STAT4: variants seen among roughly 807,000 people sequenced by gnomAD.
STAT4 encodes signal transducer and activator of transcription 4.
STAT4 carries 42 observed loss-of-function variants against 110.5 expected under a neutral mutation model. The observed-to-expected ratio is 0.38, with a 90% CI of 0.30 to 0.49. The LOEUF is 0.49. Ranked by LOEUF, STAT4 falls within the 20% of genes least tolerant of loss-of-function variation. The pLI is 0.95. For synonymous variants in STAT4, 284 were observed against 302.2 expected, an observed-to-expected ratio of 0.94 and a Z score of 0.63; for missense variants, 632 against 887.9, an observed-to-expected ratio of 0.71 and a Z score of 3.66.
chr2:191,062,180 G>A lies in STAT4; in HGVS notation c.942-359C>T, dbSNP rs1333487289. Among the ~76,000 whole-genome samples, 2 of 151,954 alleles carry A rather than the reference G, an allele frequency of 1.3e-5. No homozygotes were observed. The highest frequency in any genetic ancestry group is 4.8e-5 in the African/African-American group (2 of 41,346). On this transcript the variant is annotated intron_variant, in intron 9 of 23. Coordinates refer to ENST00000392320, the MANE Select transcript of STAT4 (RefSeq NM_003151.4). This position sits in a 1 kb window ranked among gnomAD's most constrained non-coding sequence, Gnocchi z 4.9. The stretch of plus-strand genomic sequence containing the variant: ...AGTGATCCTCCTGCCTTGGCCTCCT[G>A]AGTATCTAGGACTATAGGGATGTGC...
In STAT4 at chr2:191,042,052, G is replaced by A. The variant is rs995044212; in HGVS notation, c.1252-904C>T. ...GCCAGGCTTAAAAGCTCCTGGAAAG[G>A]TATCTGGGAAGTTTGCCAGACCAAG... On this transcript the variant is annotated intron_variant, in intron 14 of 23. Coordinates refer to ENST00000392320, the MANE Select transcript of STAT4 (RefSeq NM_003151.4). This position sits in a 1 kb window ranked among gnomAD's most constrained non-coding sequence, Gnocchi z 4.2. Among the ~76,000 whole-genome samples, 6 of 152,140 alleles carry A rather than the reference G, an allele frequency of 3.9e-5. No homozygotes were observed. The highest frequency in any genetic ancestry group is 1.4e-4 in the African/African-American group (6 of 41,422).
chr2:191,085,744 A>C (rs1438496819), intron 3 of STAT4, among the ~76,000 whole-genome samples: 1 of 152,252 alleles, frequency 6.6e-6, no homozygotes, highest in Non-Finnish European at 1.5e-5. Flanking sequence ...GAATAGAGAG[A>C]AAACTTCCAG....
At chr2:191,071,529 A>G (rs1046464483) in intron 5 of STAT4, among the ~76,000 whole-genome samples, 1 of 152,250 alleles carries the variant, frequency 6.6e-6, no homozygotes, top group Non-Finnish European at 1.5e-5. Flanking sequence ...TGAAAAGTGT[A>G]TTAAACCAAT....
chr2:191,102,660 A>T (rs1181058137), intron 3 of STAT4, among the ~76,000 whole-genome samples: 1 of 152,124 alleles, frequency 6.6e-6, no homozygotes, highest in Non-Finnish European at 1.5e-5. Context: ...ATTGAAACCT[A>T]ATTTTTGTTG....
At position 191,073,144 on chromosome 2, in the gene STAT4, TG is replaced by T; in HGVS notation, c.418del (p.Gln140ArgfsTer17). The T allele has an allele frequency of 6.2e-7, 1 of 1,614,024 alleles. No individual in the cohort carries two copies. The highest frequency in any genetic ancestry group is 1.1e-5 in the South Asian group (1 of 91,078). On this transcript the variant is annotated frameshift_variant, in exon 5 of 24. Coordinates refer to ENST00000392320, the MANE Select transcript of STAT4 (RefSeq NM_003151.4). LOFTEE classifies it high-confidence loss of function. Reference sequence around the variant, plus strand: ...AGCCACTTTGTGCTCCACATTCCTCTGTCTTTCTGAAACTGAAGAACTTTGT... The same window carrying T: ...AGCCACTTTGTGCTCCACATTCCTCTTCTTTCTGAAACTGAAGAACTTTGT... ...SLQSSSVSER[Q>X]RNVEHKVAAI...
intron 3 of STAT4, among the ~76,000 whole-genome samples, chr2:191,120,255 G>A (rs1014184490): frequency 1.3e-5 from 2 of 152,026 alleles, no homozygotes; most frequent in Admixed American, 1.3e-4. Context: ...AGACTGAAAA[G>A]GTAAGGCACA....
rs1699560905 is a variant in STAT4 at position 191,150,292 on chromosome 2, G to C, written c.-2+655C>G. Among the ~76,000 whole-genome samples, 1 of 152,226 alleles carries C rather than the reference G, an allele frequency of 6.6e-6. No individual in the cohort carries two copies. The highest frequency in any genetic ancestry group is 1.5e-5 in the Non-Finnish European group (1 of 68,042). On this transcript the variant is annotated intron_variant, in intron 1 of 23. Transcript: ENST00000392320. This position sits in a 1 kb window ranked among gnomAD's most constrained non-coding sequence, Gnocchi z 6.4. ...ATTGCAGCCTCTGGGAACGCCTTTA[G>C]ACATCCTTCAGCAGGTTTCTTTGCT...
At chr2:191,054,581 C>G in intron 13 of STAT4, 47 bp from the exon 14 acceptor site, 2 of 1,566,794 alleles carry the variant, frequency 1.3e-6, no homozygotes, top group Non-Finnish European at 8.7e-7. Context: ...GCATTATCAG[C>G]TACATATTAA....
At position 191,037,416 on chromosome 2, in the gene STAT4, G is replaced by T. The variant is rs1205288237; in HGVS notation, c.1435-1117C>A. On this transcript the variant is annotated intron_variant, in intron 16 of 23. Coordinates refer to ENST00000392320, the MANE Select transcript of STAT4 (RefSeq NM_003151.4). This position sits in a 1 kb window ranked among gnomAD's most constrained non-coding sequence, Gnocchi z 4.8. ...AAACTCTCTTGCCTCAACCTCTCAA[G>T]TAGCTGAAACTACAGGTGTGTACCA... Among the ~76,000 whole-genome samples the T allele has an allele frequency of 6.6e-6, 1 of 152,156 alleles. No homozygotes were observed. The highest frequency in any genetic ancestry group is 1.5e-5 in the Non-Finnish European group (1 of 68,036).
chr2:191,074,014 ATTAAATTGGCCCTAAAT>A (rs1303110518), intron 4 of STAT4, among the ~76,000 whole-genome samples: 1 of 152,236 alleles, frequency 6.6e-6, no homozygotes, highest in African/African-American at 2.4e-5. Flanking sequence ...ACGAAACTAC[ATTAAATTGGCCCTAAAT>A]TTAGAATTGG....
At chr2:191,128,620 G>A (rs912350025) in intron 3 of STAT4, among the ~76,000 whole-genome samples, 12 of 152,030 alleles carry the variant, frequency 7.9e-5, no homozygotes, top group African/African-American at 1.9e-4. Flanking sequence ...ACATATTTTC[G>A]TTCAGCCATA....
At chr2:191,130,669 T>A (rs1401220662) in intron 3 of STAT4, among the ~76,000 whole-genome samples, 3 of 151,922 alleles carry the variant, frequency 2.0e-5, no homozygotes, top group Non-Finnish European at 4.4e-5. Context: ...ATGGAAGCCA[T>A]CATGTGAGCT....
chr2:191,125,640 C>T (rs748865231), intron 3 of STAT4, among the ~76,000 whole-genome samples: 9 of 151,762 alleles, frequency 5.9e-5, no homozygotes, highest in South Asian at 2.1e-4. Flanking sequence ...GGTGTACGCA[C>T]GCTACCATGC....
In STAT4 at chr2:191,059,881, G is replaced by A. The variant is rs1180661338; in HGVS notation, c.1035-1112C>T. The stretch of plus-strand genomic sequence containing the variant: ...ATAGTCACATAAAATCAGGCCAGAT[G>A]TTTTTCCTCTCCACCTTCCTTTTTA... On this transcript the variant is annotated intron_variant, in intron 10 of 23. Coordinates refer to ENST00000392320, the MANE Select transcript of STAT4 (RefSeq NM_003151.4). This position sits in a 1 kb window ranked among gnomAD's most constrained non-coding sequence, Gnocchi z 4.7. 6.6e-6 allele frequency among the ~76,000 whole-genome samples: 1 copy of A among 152,164 alleles called. No homozygotes were observed. Among genetic ancestry groups the A allele is most frequent in the Non-Finnish European group, 1.5e-5 (1 of 68,030 alleles).
At chr2:191,088,617 T>C (rs762103208) in intron 3 of STAT4, among the ~76,000 whole-genome samples, 20 of 152,124 alleles carry the variant, frequency 1.3e-4, no homozygotes, top group Non-Finnish European at 2.4e-4. Flanking sequence ...AAGAGCCAGA[T>C]AGCAATGACA....
chr2:191,047,747 C>A (rs1696389408), intron 14 of STAT4, among the ~76,000 whole-genome samples: 1 of 152,114 alleles, frequency 6.6e-6, no homozygotes. Flanking sequence ...CTCACTGCAA[C>A]CTCCACCTCC....
chr2:191,086,922 G>A lies in STAT4; in HGVS notation c.274-10597C>T, dbSNP rs1250611976. ...CTCAGAAAGTTCACTTGAACATCTG[G>A]TTTGAACTACAATCCAGAAGAATCT... On this transcript the variant is annotated intron_variant, in intron 3 of 23. Transcript: ENST00000392320. The surrounding 1 kb of genome is among the most constrained non-coding windows in gnomAD (Gnocchi z 5.5). 6.6e-6 allele frequency among the ~76,000 whole-genome samples: 1 copy of A among 152,078 alleles called. No individual in the cohort carries two copies. Among genetic ancestry groups the A allele is most frequent in the Non-Finnish European group, 1.5e-5 (1 of 68,006 alleles).
At chr2:191,149,734 A>G (rs923095864) in intron 1 of STAT4, among the ~76,000 whole-genome samples, 1 of 152,220 alleles carries the variant, frequency 6.6e-6, no homozygotes, top group African/African-American at 2.4e-5. Flanking sequence ...CAAAATTGGA[A>G]CATTTGTTCT....
intron 3 of STAT4, among the ~76,000 whole-genome samples, chr2:191,101,931 T>C (rs1698158272): frequency 6.6e-6 from 1 of 152,088 alleles, no homozygotes; most frequent in Non-Finnish European, 1.5e-5. Flanking sequence ...TCTATTTTAT[T>C]ATTATGTCAT....
Sources: allele counts gnomAD v4.1 joint callset (sites outside exome capture counted in the v4.1 genomes callset), GRCh38; gene constraint gnomAD v4.1.1; non-coding constraint Gnocchi (gnomAD v3.1); transcripts MANE v1.5; gene names NCBI Gene and HGNC (gene_info 2026-07-23, HGNC 2026-07-21).